Variants in THSD7B observed in about 807,000 individuals in gnomAD.
THSD7B encodes thrombospondin type-1 domain-containing protein 7B.
THSD7B carries 138 observed loss-of-function variants against 213.6 expected under a neutral mutation model. The ratio of observed to expected loss-of-function variants is 0.65; its 90% CI spans 0.56 to 0.74. THSD7B has a LOEUF of 0.74. Ranked by LOEUF, THSD7B falls within the 30% of genes least tolerant of loss-of-function variation. The probability of loss-of-function intolerance (pLI) is 0.00; values close to 1 mark genes in which losing one functional copy is unlikely to be tolerated. For missense variants in THSD7B, 1,931 were observed against 1,991.5 expected, an observed-to-expected ratio of 0.97 and a Z score of 0.58; for synonymous variants, 742 against 687.0, an observed-to-expected ratio of 1.08 and a Z score of -1.25.
At chr2:137,484,278 T>C (rs1688376623) in intron 15 of THSD7B, among the ~76,000 whole-genome samples, 2 of 150,592 alleles carry the variant, frequency 1.3e-5, no homozygotes, top group Non-Finnish European at 2.9e-5. Context: ...GTGTTTGGTT[T>C]TTTGTTCTTG....
intron 6 of THSD7B, among the ~76,000 whole-genome samples, chr2:137,170,469 C>T (rs994009121): frequency 9.9e-5 from 15 of 152,262 alleles, no homozygotes; most frequent in Admixed American, 2.6e-4. Flanking sequence ...ATAGGACTTA[C>T]GCTACTTATT....
intron 12 of THSD7B, among the ~76,000 whole-genome samples, chr2:137,333,814 GC>G (rs1263609857): frequency 6.6e-6 from 1 of 152,132 alleles, no homozygotes; most frequent in African/African-American, 2.4e-5. Flanking sequence ...TCATCCTAAT[GC>G]TACAGCAGCC....
In THSD7B at chr2:137,476,223, C is replaced by A. The variant is rs537504586; in HGVS notation, c.3138+25200C>A. On this transcript the variant is annotated intron_variant, in intron 15 of 27. Coordinates refer to ENST00000409968, the MANE Select transcript of THSD7B (RefSeq NM_001316349.2). Reference sequence around the variant, plus strand: ...TATATACTGGATATTATTATAGCATCCTGTTGAATAAATAGTTTGCAAATA... The same window carrying A: ...TATATACTGGATATTATTATAGCATACTGTTGAATAAATAGTTTGCAAATA... 1.1e-4 allele frequency among the ~76,000 whole-genome samples: 16 copies of A among 152,072 alleles called. 1 individual carries two copies. In the South Asian group the frequency reaches 3.3e-3, roughly 32 times the overall value.
At chr2:137,337,365 G>A (rs767631279) in intron 12 of THSD7B, among the ~76,000 whole-genome samples, 4 of 152,000 alleles carry the variant, frequency 2.6e-5, no homozygotes, top group African/African-American at 4.8e-5. Flanking sequence ...TTCACAGCAC[G>A]TTTCTCAGTT....
chr2:137,635,003 T>G (rs1682807240), intron 20 of THSD7B, among the ~76,000 whole-genome samples: 1 of 152,192 alleles, frequency 6.6e-6, no homozygotes, highest in Non-Finnish European at 1.5e-5. Context: ...CAATCCTTTT[T>G]GTTTCATTGC....
intron 12 of THSD7B, among the ~76,000 whole-genome samples, chr2:137,377,115 A>AT (rs1685674199): frequency 6.6e-6 from 1 of 152,108 alleles, no homozygotes; most frequent in African/African-American, 2.4e-5. Flanking sequence ...TATTTAGTGC[A>AT]TTTTTTCCGT....
At chr2:137,574,068 A>G (rs1359494887) in intron 17 of THSD7B, among the ~76,000 whole-genome samples, 3 of 152,094 alleles carry the variant, frequency 2.0e-5, no homozygotes, top group African/African-American at 4.8e-5. Context: ...AGCCTGAAGA[A>G]GTTTAATTAA....
At chr2:136,811,325 C>A (rs1481264140) in intron 1 of THSD7B, among the ~76,000 whole-genome samples, 1 of 151,946 alleles carries the variant, frequency 6.6e-6, no homozygotes, top group Non-Finnish European at 1.5e-5. Context: ...AACCCTCAGG[C>A]CTTAGAATAA....
chr2:137,659,598 A>G, intron 24 of THSD7B, 66 bp from the exon 25 acceptor site: 1 of 1,477,958 alleles, frequency 6.8e-7, no homozygotes, highest in Non-Finnish European at 9.1e-7. Flanking sequence ...GGTTAAAAAA[A>G]AATACCAAAA....
At chr2:137,196,045 G>T (rs1018852884) in intron 7 of THSD7B, among the ~76,000 whole-genome samples, 1 of 152,100 alleles carries the variant, frequency 6.6e-6, no homozygotes, top group Admixed American at 6.6e-5. Context: ...AGATGACATC[G>T]TTGGCACTGC....
chr2:137,391,754 C>T (rs1019996072), intron 12 of THSD7B, among the ~76,000 whole-genome samples: 18 of 150,204 alleles, frequency 1.2e-4, no homozygotes, highest in Admixed American at 3.3e-4. Context: ...TAGTTCTGAT[C>T]TGATCTTTTT....
intron 20 of THSD7B, among the ~76,000 whole-genome samples, chr2:137,624,307 C>T (rs1399834932): frequency 6.6e-6 from 1 of 152,204 alleles, no homozygotes; most frequent in East Asian, 1.9e-4. Context: ...CCCTTCCTTA[C>T]ACCTTATACA....
chr2:137,150,922 A>G (rs757146526), intron 5 of THSD7B, among the ~76,000 whole-genome samples: 26 of 152,206 alleles, frequency 1.7e-4, no homozygotes, highest in Non-Finnish European at 3.7e-4. Flanking sequence ...TAGAAAAGAT[A>G]CAGTAAAAAT....
At chr2:137,002,361 T>C (rs1686015983) in intron 2 of THSD7B, among the ~76,000 whole-genome samples, 1 of 152,104 alleles carries the variant, frequency 6.6e-6, no homozygotes, top group Non-Finnish European at 1.5e-5. Flanking sequence ...CTGGGTCACA[T>C]GAGCTGCCCA....
chr2:137,173,379 ATCTCAC>A (rs1680301325), intron 7 of THSD7B, among the ~76,000 whole-genome samples: 1 of 152,172 alleles, frequency 6.6e-6, no homozygotes, highest in South Asian at 2.1e-4. Context: ...ATGCTTTGTT[ATCTCAC>A]AGCAGATATT....
At position 137,170,882 on chromosome 2, in the gene THSD7B, A is replaced by G; in HGVS notation, c.1667A>G (p.His556Arg). The change falls in exon 7 of 28, where the codon CAT (histidine) becomes CGT (arginine). Residue 556 changes from histidine (H) to arginine (R), a missense_variant. Transcript: ENST00000409968. Reference protein sequence around the residue: ...LASEGICFPDHGKCGLGHRIL... With the variant: ...LASEGICFPDRGKCGLGHRIL... Reference sequence around the variant, plus strand: ...TCAGAAGGGATCTGTTTCCCTGATCATGGAAAATGTGGCCTGGGACATCGT... The same window carrying G: ...TCAGAAGGGATCTGTTTCCCTGATCGTGGAAAATGTGGCCTGGGACATCGT... The G allele has an allele frequency of 1.2e-6, 2 of 1,613,538 alleles. No individual in the cohort carries two copies. The highest frequency in any genetic ancestry group is 1.7e-6 in the Non-Finnish European group (2 of 1,179,782).
chr2:136,985,023 G>A (rs968251180), intron 2 of THSD7B, among the ~76,000 whole-genome samples: 1 of 152,164 alleles, frequency 6.6e-6, no homozygotes, highest in African/African-American at 2.4e-5. Context: ...AAGCAGCAAA[G>A]CATTCAAGAA....
chr2:137,232,261 A>T (rs1197337018), intron 8 of THSD7B, among the ~76,000 whole-genome samples: 1 of 152,174 alleles, frequency 6.6e-6, no homozygotes, highest in Non-Finnish European at 1.5e-5. Context: ...CTCATCCAAG[A>T]GTCTATGGAT....
intron 2 of THSD7B, among the ~76,000 whole-genome samples, chr2:136,960,906 G>C (rs566943592): frequency 2.0e-5 from 3 of 151,684 alleles, no homozygotes; most frequent in African/African-American, 7.3e-5. Context: ...TGGCTAATAC[G>C]GTGAAACCTC....
Sources: gnomAD v4.1 joint callset for allele counts (sites outside exome capture counted in the v4.1 genomes callset) on GRCh38, gnomAD v4.1.1 for gene constraint, MANE v1.5 for transcripts, NCBI Gene and HGNC (gene_info 2026-07-23, HGNC 2026-07-21) for gene names.